The following TASP1 variants were observed in gnomAD, a reference collection of about 807,000 sequenced individuals.
TASP1 encodes the protein taspase 1.
TASP1 carries 16 observed loss-of-function variants against 56.6 expected under a neutral mutation model. The observed-to-expected ratio is 0.28, with a 90% CI of 0.19 to 0.43. TASP1 has a LOEUF of 0.43. Ranked by LOEUF, TASP1 falls within the 20% of genes least tolerant of loss-of-function variation. The pLI, the probability that TASP1 is intolerant of heterozygous loss-of-function variation, is 1.00. For missense variants in TASP1, 393 were observed against 511.6 expected, an observed-to-expected ratio of 0.77 and a Z score of 2.24; for synonymous variants, 179 against 184.2, an observed-to-expected ratio of 0.97 and a Z score of 0.23.
chr20:13,122,964 G>T, the TASP1 span, among the ~76,000 whole-genome samples: 1 of 152,168 alleles, frequency 6.6e-6, no homozygotes, highest in East Asian at 1.9e-4. Flanking sequence ...GACACTCCAA[G>T]AAGCTTTTAT....
chr20:13,613,677 T>C (rs916435816), intron 4 of TASP1, among the ~76,000 whole-genome samples: 4 of 152,064 alleles, frequency 2.6e-5, no homozygotes, highest in Non-Finnish European at 5.9e-5. Context: ...AATTAAGACA[T>C]GCATTACTGA....
chr20:13,336,381 CTCT>C, the TASP1 span, among the ~76,000 whole-genome samples: 1 of 152,168 alleles, frequency 6.6e-6, no homozygotes, highest in Non-Finnish European at 1.5e-5. Flanking sequence ...CCCCTGCCTC[CTCT>C]TATCTCCCAG....
chr20:13,630,032 C>G lies in TASP1; in HGVS notation c.47G>C (p.Arg16Thr). 2 of 1,614,002 alleles carry G rather than the reference C, an allele frequency of 1.2e-6. No homozygotes were observed. The highest frequency in any genetic ancestry group is 4.5e-5 in the East Asian group (2 of 44,864). Residue 16 changes from arginine to threonine, a missense_variant, in exon 2 of 14, where the codon AGA becomes ACA. Physicochemically the swap from Arg to Thr is moderately conservative, Grantham distance 71 (BLOSUM62 -1). This residue lies in a region of TASP1 where 52 missense variants were observed against 51.1 expected (regional missense o/e 1.02). Transcript: ENST00000337743. The stretch of plus-strand genomic sequence containing the variant: ...TTTACCAGCCGAAACCTGAGATGAT[C>G]TGGAAGGCAGCCCTTCTCCAGAACT... Reference protein sequence around the residue: ...GMSSGEGLPSRSSQVSAGKIT... With the variant: ...GMSSGEGLPSTSSQVSAGKIT...
At chr20:13,113,194 C>A in the TASP1 span, among the ~76,000 whole-genome samples, 7 of 151,962 alleles carry the variant, frequency 4.6e-5, no homozygotes, top group African/African-American at 7.2e-5. Context: ...ACAACAACAA[C>A]AACAAAAAAT....
Position 13,469,309 on chromosome 20 carries a change from G to A in TASP1, c.985+13918C>T, listed in dbSNP as rs574371900. Among the ~76,000 whole-genome samples the A allele has an allele frequency of 5.9e-5, 9 of 152,202 alleles. No homozygotes were observed. In the East Asian group the frequency reaches 1.5e-3, roughly 26 times the overall value. ...TACAATCATCTCTGCTACTTAAAAA[G>A]CTCCAAATGTACAAAATGTATGAAA... On this transcript the variant is annotated intron_variant, in intron 11 of 13. Transcript: ENST00000337743.
intron 11 of TASP1, among the ~76,000 whole-genome samples, chr20:13,459,312 C>CAT (rs2146339055): frequency 6.6e-6 from 1 of 152,268 alleles, no homozygotes; most frequent in East Asian, 1.9e-4. Context: ...CTGCACAGTG[C>CAT]ATACCTTCTG....
At chr20:13,445,653 T>G (rs75191963) in intron 11 of TASP1, among the ~76,000 whole-genome samples, 2,847 of 152,190 alleles carry the variant, frequency 0.019, 36 homozygotes, top group Non-Finnish European at 0.031. Flanking sequence ...TGATTAACTT[T>G]TAGGTAAGAA....
At chr20:13,515,001 C>T (rs1320777324) in intron 10 of TASP1, among the ~76,000 whole-genome samples, 2 of 152,084 alleles carry the variant, frequency 1.3e-5, no homozygotes, top group Non-Finnish European at 2.9e-5. Flanking sequence ...CCAAATTAAC[C>T]AGCCATCATG....
At chr20:13,541,273 G>C (rs1340956891) in intron 8 of TASP1, among the ~76,000 whole-genome samples, 1 of 152,142 alleles carries the variant, frequency 6.6e-6, no homozygotes, top group East Asian at 1.9e-4. Context: ...AAGCTCAGTA[G>C]GCCAGAAGGC....
At chr20:13,226,240 T>C in the TASP1 span, among the ~76,000 whole-genome samples, 1 of 152,228 alleles carries the variant, frequency 6.6e-6, no homozygotes, top group Non-Finnish European at 1.5e-5. Flanking sequence ...GTAAAACAGC[T>C]TAGCTTCTTG....
rs373653474 is a variant in TASP1 at position 13,606,533 on chromosome 20, C to T, written c.282+16913G>A. Among the ~76,000 whole-genome samples the T allele has an allele frequency of 3.7e-4, 57 of 152,184 alleles. No individual in the cohort carries two copies. In the South Asian group the frequency reaches 9.7e-3, roughly 26 times the overall value. On this transcript the variant is annotated intron_variant, in intron 4 of 13. Coordinates refer to ENST00000337743, the MANE Select transcript of TASP1 (RefSeq NM_017714.3). ...TAAGAATTTGTCTTTTTAGGCTGGA[C>T]GCGGTGGCTCACACCTGTAATCCCA...
At chr20:13,319,180 T>C in the TASP1 span, among the ~76,000 whole-genome samples, 5 of 151,990 alleles carry the variant, frequency 3.3e-5, no homozygotes, top group Admixed American at 6.5e-5. Flanking sequence ...CTAAAAATGC[T>C]CTGAAACAAT....
chr20:13,167,640 T>C, the TASP1 span: 1 of 152,204 alleles, frequency 6.6e-6, no homozygotes, highest in East Asian at 1.9e-4. Context: ...CATAGACTTA[T>C]TCCTAATCTC....
At chr20:13,441,383 G>A (rs1319668757) in intron 11 of TASP1, among the ~76,000 whole-genome samples, 2 of 152,158 alleles carry the variant, frequency 1.3e-5, no homozygotes, top group African/African-American at 4.8e-5. Context: ...AACCAATATG[G>A]AAATCCACCC....
chr20:13,497,135 A>G (rs533968075), intron 10 of TASP1, among the ~76,000 whole-genome samples: 8 of 152,306 alleles, frequency 5.3e-5, no homozygotes, highest in African/African-American at 1.9e-4. Flanking sequence ...TGTAGGGTAG[A>G]GCAGGAGAGC....
At chr20:13,458,590 C>T (rs6042126) in intron 11 of TASP1, among the ~76,000 whole-genome samples, 1 of 152,086 alleles carries the variant, frequency 6.6e-6, no homozygotes, top group Non-Finnish European at 1.5e-5. Context: ...ATCCACCTGC[C>T]TCAGCCTCCC....
intron 11 of TASP1, among the ~76,000 whole-genome samples, chr20:13,444,382 G>A (rs533977371): frequency 6.6e-5 from 10 of 152,022 alleles, no homozygotes; most frequent in African/African-American, 1.2e-4. Context: ...ATTCCTATGC[G>A]CCAAATCACT....
chr20:13,304,578 C>T, the TASP1 span, among the ~76,000 whole-genome samples: 24 of 152,196 alleles, frequency 1.6e-4, no homozygotes, highest in African/African-American at 5.5e-4. Flanking sequence ...TGCCTGATGG[C>T]TTTTTCCATC....
At chr20:13,325,139 G>A in the TASP1 span, among the ~76,000 whole-genome samples, 2 of 152,310 alleles carry the variant, frequency 1.3e-5, no homozygotes, top group East Asian at 3.9e-4. Flanking sequence ...ACCAGAGGGT[G>A]CCCACAGGAC....
Sources: allele counts gnomAD v4.1 joint callset (sites outside exome capture counted in the v4.1 genomes callset), GRCh38; gene constraint gnomAD v4.1.1; regional missense constraint gnomAD v4.1.1; transcripts MANE v1.5; gene names NCBI Gene and HGNC (gene_info 2026-07-23, HGNC 2026-07-21).